PRH1: variants seen among roughly 807,000 people sequenced by gnomAD.
The protein encoded by PRH1 is salivary acidic proline-rich phosphoprotein 1/2.
Under a neutral mutation model 7.9 loss-of-function variants are expected in PRH1, and 7 were observed. The observed-to-expected ratio is 0.89, with a 90% confidence interval of 0.50 to 1.67. The LOEUF is 1.67. Among genes scored for constraint, PRH1 ranks in the 40% most tolerant of loss-of-function variants. The pLI, the probability that PRH1 is intolerant of heterozygous loss-of-function variation, is 0.00. For synonymous variants in PRH1, 45 were observed against 80.8 expected, an observed-to-expected ratio of 0.56 and a Z score of 2.38; for missense variants, 109 against 223.6, an observed-to-expected ratio of 0.49 and a Z score of 3.27.
chr12:10,910,080 T>A (rs889402450), intron 2 of PRH1, among the ~76,000 whole-genome samples: 9 of 152,184 alleles, frequency 5.9e-5, no homozygotes, highest in African/African-American at 2.2e-4. Flanking sequence ...AGCAGTACTA[T>A]ATTACATCAT....
upstream of PRH1, among the ~76,000 whole-genome samples, chr12:10,888,003 CT>C (rs1427671194): frequency 6.6e-6 from 1 of 152,154 alleles, no homozygotes; most frequent in Non-Finnish European, 1.5e-5. Flanking sequence ...TATAATAGGT[CT>C]TACTCAGTTA....
intron 1 of PRH1, among the ~76,000 whole-genome samples, chr12:10,995,362 T>C (rs961860481): frequency 6.6e-6 from 1 of 152,146 alleles, no homozygotes; most frequent in Admixed American, 6.6e-5. Context: ...TGGAGATGAT[T>C]TATCTTAAGG....
intron 1 of PRH1, among the ~76,000 whole-genome samples, chr12:11,143,215 G>A (rs1376339416): frequency 6.6e-6 from 1 of 152,204 alleles, no homozygotes; most frequent in African/African-American, 2.4e-5. Context: ...TGGTGTTAAG[G>A]TGTAGAGTCT....
At chr12:10,887,236 A>C (rs2418217), upstream of PRH1, among the ~76,000 whole-genome samples, 1 of 151,964 alleles carries the variant, frequency 6.6e-6, no homozygotes, top group South Asian at 2.1e-4. Flanking sequence ...ATGAACATTG[A>C]CAGAGGGAAT....
chr12:11,156,281 G>A (rs1270000839), intron 1 of PRH1, among the ~76,000 whole-genome samples: 2 of 151,944 alleles, frequency 1.3e-5, no homozygotes, highest in Non-Finnish European at 2.9e-5. Context: ...TTTTTCTCAG[G>A]CTACTTTTCA....
chr12:11,099,365 C>T (rs1945163360), intron 1 of PRH1, among the ~76,000 whole-genome samples: 1 of 137,376 alleles, frequency 7.3e-6, no homozygotes, highest in African/African-American at 2.4e-5. Flanking sequence ...TGGCCAAACT[C>T]TATCTCCAAG....
intron 1 of PRH1, among the ~76,000 whole-genome samples, chr12:11,059,406 A>C (rs1424155285): frequency 6.6e-6 from 1 of 152,224 alleles, no homozygotes; most frequent in African/African-American, 2.4e-5. Flanking sequence ...AATAAATGTC[A>C]TCACCTTAAT....
intron 1 of PRH1, among the ~76,000 whole-genome samples, chr12:11,003,820 T>C (rs571291008): frequency 2.0e-5 from 3 of 152,094 alleles, no homozygotes; most frequent in Non-Finnish European, 2.9e-5. Flanking sequence ...ATGCTATCCA[T>C]GTAAATCAAA....
chr12:10,993,456 T>A (rs1940043085), intron 1 of PRH1, among the ~76,000 whole-genome samples: 1 of 152,168 alleles, frequency 6.6e-6, no homozygotes, highest in Admixed American at 6.6e-5. Flanking sequence ...CAGAACTAAA[T>A]ACCAGAAGAA....
chr12:11,171,419 C>G, intron 1 of PRH1: 2 of 1,232,092 alleles, frequency 1.6e-6, no homozygotes, highest in Non-Finnish European at 2.0e-6. Context: ...CCGCGACACC[C>G]ACCTCGTACG....
At chr12:11,110,324 C>T (rs1347974019) in intron 1 of PRH1, among the ~76,000 whole-genome samples, 1 of 152,112 alleles carries the variant, frequency 6.6e-6, no homozygotes, top group East Asian at 1.9e-4. Flanking sequence ...GAGAACACCA[C>T]AAAGATACTC....
At position 11,088,745 on chromosome 12, in the gene PRH1, T is replaced by C. The variant is rs1291371717; in HGVS notation, n.124-41557A>G. Among the ~76,000 whole-genome samples the C allele has an allele frequency of 2.0e-3, 190 of 92,826 alleles. 1 individual carries two copies. Among genetic ancestry groups the C allele is most frequent in the Non-Finnish European group, 3.1e-3 (118 of 38,116 alleles). The allele number at this position is 92,826 out of a possible 152,430, so 60.9% of individuals were successfully genotyped here. ...ACAAAAGTGGGCTCTACAGAAGATA[T>C]GGACTCTGCTCCAAGCTGCTCTGGC... On this transcript the variant is annotated intron_variant and non_coding_transcript_variant, in intron 1 of 4. Coordinates refer to the PRH1 transcript ENST00000541977.
At chr12:11,000,443 G>C (rs1214179218) in intron 1 of PRH1, among the ~76,000 whole-genome samples, 1 of 151,984 alleles carries the variant, frequency 6.6e-6, no homozygotes, top group Non-Finnish European at 1.5e-5. Context: ...TTGAAAATCA[G>C]GTTGTCATTT....
At chr12:10,952,148 A>G (rs1937708064) in intron 2 of PRH1, among the ~76,000 whole-genome samples, 1 of 152,206 alleles carries the variant, frequency 6.6e-6, no homozygotes. Flanking sequence ...CTCGTGTTTT[A>G]TTTGATCTTG....
chr12:11,103,878 G>A (rs1302164657), intron 1 of PRH1, among the ~76,000 whole-genome samples: 1 of 151,944 alleles, frequency 6.6e-6, no homozygotes, highest in African/African-American at 2.4e-5. Flanking sequence ...AATAAAATTG[G>A]TGTTAAGTCA....
chr12:11,007,954 T>C (rs1056306538), intron 1 of PRH1, among the ~76,000 whole-genome samples: 2 of 152,128 alleles, frequency 1.3e-5, no homozygotes, highest in Non-Finnish European at 2.9e-5. Context: ...GAGAAGTTTC[T>C]TTTTAAAATG....
intron 1 of PRH1, among the ~76,000 whole-genome samples, chr12:11,112,024 C>A (rs1268315971): frequency 6.6e-6 from 1 of 152,150 alleles, no homozygotes; most frequent in Non-Finnish European, 1.5e-5. Flanking sequence ...ACTATAAACA[C>A]CTCTATGCAA....
At chr12:10,970,261 C>G (rs11054110) in intron 2 of PRH1, among the ~76,000 whole-genome samples, 36,945 of 152,004 alleles carry the variant, frequency 0.24, 4,514 homozygotes, top group Non-Finnish European at 0.25. Flanking sequence ...TTTTTTCCAA[C>G]ATATATGTGT....
chr12:11,035,448 T>G (rs1942396728), intron 1 of PRH1, among the ~76,000 whole-genome samples: 1 of 152,222 alleles, frequency 6.6e-6, no homozygotes, highest in Non-Finnish European at 1.5e-5. Context: ...CAAAATTGAT[T>G]ACTCTTTTTG....
Sources: allele counts gnomAD v4.1 joint callset (sites outside exome capture counted in the v4.1 genomes callset), GRCh38; gene constraint gnomAD v4.1.1; transcripts MANE v1.5; gene names NCBI Gene and HGNC (gene_info 2026-07-23, HGNC 2026-07-21).